The following PCDHGA4 variants were observed in gnomAD, a reference collection of about 807,000 sequenced individuals.
The protein encoded by PCDHGA4 is protocadherin gamma subfamily A, 4.
In PCDHGA4, 38 loss-of-function variants were observed where a neutral mutation model predicts 54.6. The observed-to-expected ratio is 0.70, with a 90% CI of 0.54 to 0.91. PCDHGA4 has a LOEUF of 0.91. Among genes scored for constraint, PCDHGA4 ranks in the 40% least tolerant of loss-of-function variants. The probability of loss-of-function intolerance (pLI) is 0.00; values close to 1 mark genes in which losing one functional copy is unlikely to be tolerated. For synonymous variants in PCDHGA4, 511 were observed against 512.9 expected (o/e 1.00, Z 0.05); for missense variants, 1,298 against 1,220.9 (o/e 1.06, Z -0.94).
At position 141,398,898 on chromosome 5, in the gene PCDHGA4, A is replaced by G. The variant is rs565517655; in HGVS notation, c.2514+41277A>G. 11 of 1,613,922 alleles carry G rather than the reference A, an allele frequency of 6.8e-6. No homozygotes were observed. The African/African-American group carries it at 1.1e-4, about 16-fold the overall frequency. ...TCAGCCTTCGGGAAAACGTGCCACCAGGCACCACTGTGTTGCAAGTGTCAG... is the reference window on the plus strand; with the variant it reads ...TCAGCCTTCGGGAAAACGTGCCACCGGGCACCACTGTGTTGCAAGTGTCAG... On this transcript the variant is annotated intron_variant, in intron 1 of 3. Coordinates refer to ENST00000571252, the MANE Select transcript of PCDHGA4 (RefSeq NM_018917.4).
chr5:141,431,833 AAACTCT>A lies in PCDHGA4; in HGVS notation c.2515-62973_2515-62968del. The A allele has an allele frequency of 1.2e-6, 2 of 1,614,278 alleles. No homozygotes were observed. Among genetic ancestry groups the A allele is most frequent in the Non-Finnish European group, 1.7e-6 (2 of 1,180,044 alleles). ...CCTCTCTCGCCAGCTCGGTTCCCGA[AAACTCT>A]CCCAGAGGGACATTAATTGCCCTTT... is the stretch of plus-strand genomic sequence containing the variant. On this transcript the variant is annotated intron_variant, in intron 1 of 3. Transcript: ENST00000571252. This position sits in a 1 kb window ranked among gnomAD's most constrained non-coding sequence, Gnocchi z 4.8.
chr5:141,454,128 C>T (rs988254902), intron 1 of PCDHGA4, among the ~76,000 whole-genome samples: 4 of 152,122 alleles, frequency 2.6e-5, no homozygotes, highest in African/African-American at 7.2e-5. Flanking sequence ...AATAGCTGAC[C>T]ATGGGAATGT....
intron 1 of PCDHGA4, chr5:141,405,157 G>T: frequency 6.2e-7 from 1 of 1,614,072 alleles, no homozygotes. Context: ...TGGCTGGTGT[G>T]CCCACCTCAC....
chr5:141,450,835 T>TA lies in PCDHGA4; in HGVS notation c.2515-43972_2515-43971insA, dbSNP rs1438371595. ...ATTTAATATTATTATTATTATTTTT[T>TA]TTTTTTTGAGATGGGGTCTTGCTCT... is the stretch of plus-strand genomic sequence containing the variant. On this transcript the variant is annotated intron_variant, in intron 1 of 3. Coordinates refer to ENST00000571252, the MANE Select transcript of PCDHGA4 (RefSeq NM_018917.4). 4.0e-3 allele frequency among the ~76,000 whole-genome samples: 570 copies of TA among 142,160 alleles called. 3 individuals are homozygous for TA. The highest frequency in any genetic ancestry group is 0.015 in the Middle Eastern group (4 of 270). The allele number at this position is 142,160 out of a possible 152,430, so 93.3% of individuals were successfully genotyped here.
intron 3 of PCDHGA4, among the ~76,000 whole-genome samples, chr5:141,508,848 TC>T (rs1390332366): frequency 6.6e-5 from 10 of 151,752 alleles, no homozygotes. Context: ...CCCCTTCCAT[TC>T]CCAGGCTGGG....
At chr5:141,409,021 C>T in intron 1 of PCDHGA4, 4 of 1,613,972 alleles carry the variant, frequency 2.5e-6, no homozygotes, top group Non-Finnish European at 3.4e-6. Context: ...ATGAGGGGGT[C>T]AATGCTGAGA....
At chr5:141,483,694 C>T (rs915328297) in intron 1 of PCDHGA4, among the ~76,000 whole-genome samples, 3 of 151,952 alleles carry the variant, frequency 2.0e-5, no homozygotes, top group African/African-American at 4.8e-5. Flanking sequence ...AGCCAGATTC[C>T]TCTTTTTGAC....
chr5:141,409,872 A>G (rs1283725014), intron 1 of PCDHGA4: 1 of 1,612,710 alleles, frequency 6.2e-7, no homozygotes, highest in Non-Finnish European at 8.5e-7. Flanking sequence ...GACCGCAATG[A>G]CAACGCACCG....
chr5:141,405,050 G>T, intron 1 of PCDHGA4: 1 of 1,613,866 alleles, frequency 6.2e-7, no homozygotes, highest in South Asian at 1.1e-5. Flanking sequence ...TGTGGCAGTC[G>T]TCTCCTGTGT....
In PCDHGA4 at chr5:141,413,895, T is replaced by C. The variant is rs749075692; in HGVS notation, c.2514+56274T>C. On this transcript the variant is annotated intron_variant, in intron 1 of 3. Transcript: ENST00000571252. ...TCAGTGTGACTGTCTTCGATGCAAATGACAACGCGCCGGTCTTCACCTTGC... is the reference window on the plus strand; with the variant it reads ...TCAGTGTGACTGTCTTCGATGCAAACGACAACGCGCCGGTCTTCACCTTGC... 7 of 1,613,190 alleles carry C rather than the reference T, an allele frequency of 4.3e-6. No individual in the cohort carries two copies. The South Asian group carries it at 6.6e-5, about 15-fold the overall frequency.
chr5:141,413,212 G>C, intron 1 of PCDHGA4: 2 of 1,613,268 alleles, frequency 1.2e-6, no homozygotes, highest in Middle Eastern at 1.7e-4. Flanking sequence ...GGAATCAAAG[G>C]ATTGCAGCGG....
At position 141,431,140 on chromosome 5, in the gene PCDHGA4, C is replaced by T. The variant is rs145692116; in HGVS notation, c.2515-63667C>T. 2.4e-5 allele frequency: 38 copies of T among 1,614,208 alleles called. No individual in the cohort carries two copies. Among genetic ancestry groups the T allele is most frequent in the Admixed American group, 3.3e-5 (2 of 60,038 alleles). On this transcript the variant is annotated intron_variant, in intron 1 of 3. Coordinates refer to ENST00000571252, the MANE Select transcript of PCDHGA4 (RefSeq NM_018917.4). This position sits in a 1 kb window ranked among gnomAD's most constrained non-coding sequence, Gnocchi z 4.8. ...TAGAAGTAGAAGTAAGGGACATTAA[C>T]GACAATGCGCCTTACTTTCGTGAAA...
intron 1 of PCDHGA4, chr5:141,399,349 C>G: frequency 6.2e-7 from 1 of 1,613,932 alleles, no homozygotes; most frequent in Non-Finnish European, 8.5e-7. Context: ...AACCCTAGAC[C>G]GAGAGCAAAC....
chr5:141,432,964 G>A lies in PCDHGA4; in HGVS notation c.2515-61843G>A, dbSNP rs2097554835. On this transcript the variant is annotated intron_variant, in intron 1 of 3. Transcript: ENST00000571252. This position sits in a 1 kb window ranked among gnomAD's most constrained non-coding sequence, Gnocchi z 6.0. Reference sequence around the variant, plus strand: ...CTTCAGGAGGCGGCTTGACAGGAGCGCCGGCGTCGCACTTTGTGGGCGTGG... The same window carrying A: ...CTTCAGGAGGCGGCTTGACAGGAGCACCGGCGTCGCACTTTGTGGGCGTGG... The A allele has an allele frequency of 6.2e-7, 1 of 1,614,044 alleles. No homozygotes were observed. Among genetic ancestry groups the A allele is most frequent in the African/African-American group, 1.3e-5 (1 of 74,934 alleles).
rs1768955352 is a variant in PCDHGA4, at chr5:141,372,667, C to T, written c.2514+15046C>T. 1.9e-6 allele frequency: 3 copies of T among 1,613,922 alleles called. No homozygotes were observed. In the African/African-American group the frequency reaches 4.0e-5, roughly 22 times the overall value. On this transcript the variant is annotated intron_variant, in intron 1 of 3. Transcript: ENST00000571252. Reference sequence around the variant, plus strand: ...TATTCCTACAATCCGTGTGCTGCCTCACATTCCTCAAACACCGAGTTTAAA... The same window carrying T: ...TATTCCTACAATCCGTGTGCTGCCTTACATTCCTCAAACACCGAGTTTAAA...
chr5:141,406,159 A>G (rs1237857279), intron 1 of PCDHGA4, among the ~76,000 whole-genome samples: 3 of 151,234 alleles, frequency 2.0e-5, no homozygotes, highest in Non-Finnish European at 2.9e-5. Context: ...TGCAGTCTCA[A>G]TCTCCTGGGC....
chr5:141,365,120 C>T, intron 1 of PCDHGA4: 1 of 1,613,898 alleles, frequency 6.2e-7, no homozygotes, highest in Non-Finnish European at 8.5e-7. Flanking sequence ...GCTGCTCATG[C>T]TAACCGCCAC....
At chr5:141,423,618 C>T (rs2096760725) in intron 1 of PCDHGA4, 2 of 1,608,284 alleles carry the variant, frequency 1.2e-6, no homozygotes, top group East Asian at 2.2e-5. Flanking sequence ...TAGCTGAAGA[C>T]TCAGCTATCA....
At chr5:141,418,974 G>A in intron 1 of PCDHGA4, 2 of 1,613,936 alleles carry the variant, frequency 1.2e-6, no homozygotes, top group Non-Finnish European at 1.7e-6. Context: ...TTCAAAACAC[G>A]GGACCAAGAC....
Sources: gnomAD v4.1 joint callset for allele counts (sites outside exome capture counted in the v4.1 genomes callset) on GRCh38, gnomAD v4.1.1 for gene constraint, Gnocchi (gnomAD v3.1) non-coding constraint, MANE v1.5 for transcripts, NCBI Gene and HGNC (gene_info 2026-07-23, HGNC 2026-07-21) for gene names.